SFT2D1: variants seen among roughly 807,000 people sequenced by gnomAD.
SFT2D1 encodes the protein SFT2 domain containing 1, also known as vesicle transport protein SFT2A.
In SFT2D1, 24 loss-of-function variants were observed where a neutral mutation model predicts 28.1. The observed-to-expected ratio is 0.85, with a 90% CI of 0.62 to 1.20. The LOEUF (loss-of-function observed/expected upper bound fraction) is 1.20. Ranked by LOEUF, SFT2D1 falls within the 50% of genes most tolerant of loss-of-function variation. SFT2D1 has a pLI of 0.00. For missense variants in SFT2D1, 181 were observed against 190.9 expected (o/e 0.95, Z 0.31); for synonymous variants, 82 against 73.7 (o/e 1.11, Z -0.58).
At chr6:166,320,452 A>G (rs934871869) in intron 7 of SFT2D1, among the ~76,000 whole-genome samples, 196 bp from the exon 8 acceptor site, 1 of 152,248 alleles carries the variant, frequency 6.6e-6, no homozygotes, top group Non-Finnish European at 1.5e-5. Context: ...GATTTTTGAC[A>G]TGGTATTTAT....
At chr6:166,331,039 C>A (rs1778540270) in intron 1 of SFT2D1, among the ~76,000 whole-genome samples, 1 of 152,178 alleles carries the variant, frequency 6.6e-6, no homozygotes, top group Non-Finnish European at 1.5e-5. Context: ...ATATACCATG[C>A]AAATTCTAGC....
intron 1 of SFT2D1, among the ~76,000 whole-genome samples, chr6:166,342,020 G>T (rs1352659657): frequency 6.6e-6 from 1 of 152,068 alleles, no homozygotes; most frequent in African/African-American, 2.4e-5. Context: ...AAGCTTTAGG[G>T]TCTCGGCTCA....
intron 1 of SFT2D1, among the ~76,000 whole-genome samples, chr6:166,332,252 G>C (rs1238968222): frequency 1.3e-5 from 2 of 152,132 alleles, no homozygotes; most frequent in Non-Finnish European, 2.9e-5. Flanking sequence ...GAGACAGAAG[G>C]AACCCTGACG....
chr6:166,320,282 CAG>C (rs765083584), intron 7 of SFT2D1, 26 bp from the exon 8 acceptor site: 11 of 1,600,452 alleles, frequency 6.9e-6, no homozygotes, highest in South Asian at 1.1e-5. Context: ...GGGAAAAAAA[CAG>C]AATATAATAT....
Position 166,335,029 on chromosome 6 carries a change from TCTGACAACCA to T in SFT2D1, c.64-4792_64-4783del. 9.8e-6 allele frequency: 5 copies of T among 509,874 alleles called. No homozygotes were observed. In the Admixed American group the frequency reaches 1.1e-4, roughly 11 times the overall value. The allele number at this position is 509,874 out of a possible 1,614,324, so 31.6% of individuals were successfully genotyped here. ...AGAAAAGGGGCTATGCCTTCGTGCC[TCTGACAACCA>T]CGACGCTGTGGACAAGACTGTCACT... is the stretch of plus-strand genomic sequence containing the variant. On this transcript the variant is annotated intron_variant, in intron 1 of 7. Coordinates refer to ENST00000361731, the MANE Select transcript of SFT2D1 (RefSeq NM_145169.3).
At chr6:166,338,870 C>A (rs1778715604) in intron 1 of SFT2D1, among the ~76,000 whole-genome samples, 2 of 152,146 alleles carry the variant, frequency 1.3e-5, no homozygotes, top group Non-Finnish European at 2.9e-5. Context: ...GGTCCCAGAA[C>A]TCTGGCTACC....
intron 1 of SFT2D1, among the ~76,000 whole-genome samples, chr6:166,336,840 G>A (rs571707666): frequency 1.3e-5 from 2 of 152,238 alleles, no homozygotes; most frequent in African/African-American, 4.8e-5. Context: ...AAAGTGCTGG[G>A]ATTATAGGCA....
At position 166,324,580 on chromosome 6, in the gene SFT2D1, G is replaced by C. The variant is rs754971772; in HGVS notation, c.367C>G (p.Leu123Val). ...CAALWWHKKG[L>V]AVLFCILQFL... is the part of the protein sequence containing the mutation. Reference sequence around the variant, plus strand: ...TGCAATATGCAGAATAACACAGCCAGTCCCTTCTTATGCCACTAACAACAG... The same window carrying C: ...TGCAATATGCAGAATAACACAGCCACTCCCTTCTTATGCCACTAACAACAG... Residue 123 changes from leucine (L) to valine (V), a missense_variant, in exon 6 of 8, where the codon CTG (leucine) becomes GTG (valine). Transcript: ENST00000361731. 3 of 1,612,796 alleles carry C rather than the reference G, an allele frequency of 1.9e-6. No homozygotes were observed. In the South Asian group the frequency reaches 3.3e-5, roughly 18 times the overall value.
rs764975754 is a variant in SFT2D1 at position 166,320,174 on chromosome 6, G to A, written c.*43C>T. On this transcript the variant is annotated 3_prime_UTR_variant, in exon 8 of 8. Transcript: ENST00000361731. Reference sequence around the variant, plus strand: ...GGAAAAGCAAACTTCACCAAACATAGAGTACCAACATTCAAGTGCTCTTTT... The same window carrying A: ...GGAAAAGCAAACTTCACCAAACATAAAGTACCAACATTCAAGTGCTCTTTT... 4 of 1,592,658 alleles carry A rather than the reference G, an allele frequency of 2.5e-6. No individual in the cohort carries two copies. The highest frequency in any genetic ancestry group is 1.7e-5 in the Admixed American group (1 of 58,792).
At chr6:166,340,633 G>A (rs938775956) in intron 1 of SFT2D1, among the ~76,000 whole-genome samples, 15 of 152,162 alleles carry the variant, frequency 9.9e-5, no homozygotes, top group African/African-American at 3.4e-4. Context: ...CTCCCTGGCA[G>A]GGAGGCCTTA....
chr6:166,321,264 G>A (rs767511837), intron 7 of SFT2D1, among the ~76,000 whole-genome samples: 5 of 152,104 alleles, frequency 3.3e-5, no homozygotes, highest in African/African-American at 9.7e-5. Flanking sequence ...CTTTTACCTA[G>A]GCCATAAAAA....
At chr6:166,334,282 A>G (rs933060544) in intron 1 of SFT2D1, among the ~76,000 whole-genome samples, 1 of 152,290 alleles carries the variant, frequency 6.6e-6, no homozygotes, top group Middle Eastern at 3.4e-3. Context: ...TTAAAAATCT[A>G]TGTGCTGGCT....
chr6:166,329,484 A>G (rs762803075), intron 3 of SFT2D1, 23 bp downstream of exon 3: 4 of 1,596,534 alleles, frequency 2.5e-6, no homozygotes, highest in South Asian at 2.3e-5. Flanking sequence ...AGCAAACAAG[A>G]TATTTTGAGA....
At chr6:166,325,036 T>A (rs1273382401) in intron 5 of SFT2D1, among the ~76,000 whole-genome samples, 1 of 152,246 alleles carries the variant, frequency 6.6e-6, no homozygotes, top group Non-Finnish European at 1.5e-5. Flanking sequence ...TTTATTGTGA[T>A]CTTCTGGAAT....
At position 166,342,407 on chromosome 6, in the gene SFT2D1, C is replaced by T. The variant is rs1244024506; in HGVS notation, c.63+12G>A. ...GCAGCCCCGGGACTGGACGAGGGCG[C>T]AAGTTCGCTACCTGCGCAGTCAGGC... On this transcript the variant is annotated intron_variant, in intron 1 of 7. Coordinates refer to ENST00000361731, the MANE Select transcript of SFT2D1 (RefSeq NM_145169.3). 1.9e-6 allele frequency: 3 copies of T among 1,551,018 alleles called. No individual in the cohort carries two copies. The highest frequency in any genetic ancestry group is 2.6e-6 in the Non-Finnish European group (3 of 1,148,022).
chr6:166,335,134 A>G, intron 1 of SFT2D1: 1 of 598,974 alleles, frequency 1.7e-6, no homozygotes. Flanking sequence ...AGAGATGGCT[A>G]GTGCTTTATC....
At chr6:166,337,768 A>C (rs1778686023) in intron 1 of SFT2D1, among the ~76,000 whole-genome samples, 1 of 152,192 alleles carries the variant, frequency 6.6e-6, no homozygotes, top group Admixed American at 6.5e-5. Flanking sequence ...CCATTTGTAA[A>C]TATGAAATAA....
intron 1 of SFT2D1, among the ~76,000 whole-genome samples, chr6:166,333,582 G>A (rs1181740256): frequency 2.0e-5 from 3 of 151,870 alleles, no homozygotes; most frequent in Non-Finnish European, 4.4e-5. Context: ...TTCCCTTTCC[G>A]CTGCCTCCAC....
rs890479720 is a variant in SFT2D1, at chr6:166,329,594, G to A, written c.151-5C>T. ...AAGCCACAGCAATCCAGTTCCCTAAGTTAAGATATTATAGTTATTTTAAAA... is the reference window on the plus strand; with the variant it reads ...AAGCCACAGCAATCCAGTTCCCTAAATTAAGATATTATAGTTATTTTAAAA... On this transcript the variant is annotated splice_region_variant and splice_polypyrimidine_tract_variant and intron_variant, in intron 2 of 7. Coordinates refer to ENST00000361731, the MANE Select transcript of SFT2D1 (RefSeq NM_145169.3). 1.1e-5 allele frequency: 17 copies of A among 1,597,616 alleles called. No homozygotes were observed. The highest frequency in any genetic ancestry group is 1.5e-5 in the Non-Finnish European group (17 of 1,170,558).
Sources: gnomAD v4.1 joint callset for allele counts (sites outside exome capture counted in the v4.1 genomes callset) on GRCh38, gnomAD v4.1.1 for gene constraint, MANE v1.5 for transcripts, NCBI Gene and HGNC (gene_info 2026-07-23, HGNC 2026-07-21) for gene names.